The following PLXNC1 variants were observed in gnomAD, a reference collection of about 807,000 sequenced individuals.
The protein encoded by PLXNC1 is plexin C1.
In PLXNC1, 75 loss-of-function variants were observed where a neutral mutation model predicts 178.2. The observed-to-expected ratio is 0.42, with a 90% CI of 0.35 to 0.51. The LOEUF (loss-of-function observed/expected upper bound fraction) is 0.51. Ranked by LOEUF, PLXNC1 falls within the 20% of genes least tolerant of loss-of-function variation. PLXNC1 has a pLI of 0.02. For missense variants in PLXNC1, 1,503 were observed against 1,984.4 expected (o/e 0.76, Z 4.61); for synonymous variants, 790 against 779.9 (o/e 1.01, Z -0.22).
At chr12:94,303,729 TTGC>T (rs1434065057) in intron 28 of PLXNC1, 24 bp from the exon 29 acceptor site, 1 of 1,344,774 alleles carries the variant, frequency 7.4e-7, no homozygotes, top group Non-Finnish European at 9.9e-7. Flanking sequence ...TTGGTGATGG[TTGC>T]TTTTTTTTTT....
At chr12:94,221,835 T>C (rs1474105719) in intron 6 of PLXNC1, among the ~76,000 whole-genome samples, 1 of 152,118 alleles carries the variant, frequency 6.6e-6, no homozygotes, top group African/African-American at 2.4e-5. Context: ...AGGACACTAA[T>C]CACATTCATG....
intron 1 of PLXNC1, among the ~76,000 whole-genome samples, chr12:94,162,385 G>C (rs1163961989): frequency 6.6e-6 from 1 of 152,166 alleles, no homozygotes. Flanking sequence ...GGAGAAGAAT[G>C]GCAAGGAATG....
At chr12:94,227,725 G>A (rs1015032021) in intron 9 of PLXNC1, among the ~76,000 whole-genome samples, 1 of 152,052 alleles carries the variant, frequency 6.6e-6, no homozygotes, top group Admixed American at 6.6e-5. Context: ...TATTTCTCTC[G>A]CCTTCTCACA....
At chr12:94,251,157 C>A (rs1205386148) in intron 14 of PLXNC1, among the ~76,000 whole-genome samples, 2 of 152,166 alleles carry the variant, frequency 1.3e-5, no homozygotes, top group Admixed American at 6.5e-5. Flanking sequence ...CAACTTAAAA[C>A]CCCCAGAGCA....
chr12:94,297,170 C>A lies in PLXNC1; in HGVS notation c.3935-19C>A. ...TTTTTTAATGGACTGCTTTCTCTCC[C>A]TCTTTCTCTGGCATTCAGATGTGGA... On this transcript the variant is annotated intron_variant, in intron 24 of 30. Coordinates refer to ENST00000258526, the MANE Select transcript of PLXNC1 (RefSeq NM_005761.3). The A allele has an allele frequency of 6.2e-7, 1 of 1,613,286 alleles. No individual in the cohort carries two copies. The highest frequency in any genetic ancestry group is 8.5e-7 in the Non-Finnish European group (1 of 1,179,658).
intron 5 of PLXNC1, among the ~76,000 whole-genome samples, chr12:94,218,480 G>A (rs975934301): frequency 6.6e-6 from 1 of 152,044 alleles, no homozygotes; most frequent in African/African-American, 2.4e-5. Context: ...GGGGTGATAA[G>A]GTTACCACTT....
intron 20 of PLXNC1, among the ~76,000 whole-genome samples, chr12:94,263,532 C>A (rs998910637): frequency 6.7e-6 from 1 of 148,890 alleles, no homozygotes; most frequent in African/African-American, 2.6e-5. Flanking sequence ...GAGTACACAG[C>A]CCCTATCCAA....
At chr12:94,179,426 GTTAGGTACAAAGGTGA>G (rs1462884196) in intron 2 of PLXNC1, among the ~76,000 whole-genome samples, 2 of 152,116 alleles carry the variant, frequency 1.3e-5, no homozygotes, top group Non-Finnish European at 2.9e-5. Context: ...AAGATTAAAG[GTTAGGTACAAAGGTGA>G]TTAAGACATG....
chr12:94,162,684 C>T (rs958990540), intron 1 of PLXNC1, among the ~76,000 whole-genome samples: 4 of 151,924 alleles, frequency 2.6e-5, no homozygotes, highest in East Asian at 1.9e-4. Context: ...TTGGGAAATT[C>T]GACTGAGATT....
intron 14 of PLXNC1, among the ~76,000 whole-genome samples, chr12:94,249,928 T>G (rs1592810372): frequency 2.4e-5 from 2 of 81,678 alleles, no homozygotes; most frequent in Non-Finnish European, 4.7e-5. Flanking sequence ...AAAGCACCAG[T>G]GTGGGGGGGT....
intron 4 of PLXNC1, among the ~76,000 whole-genome samples, chr12:94,187,603 C>T (rs1462761848): frequency 6.6e-6 from 1 of 152,182 alleles, no homozygotes; most frequent in Non-Finnish European, 1.5e-5. Context: ...TCACTGATCA[C>T]GAACGGGATT....
chr12:94,209,872 TC>T (rs1963414313), intron 5 of PLXNC1, among the ~76,000 whole-genome samples, 168 bp downstream of exon 5: 1 of 152,170 alleles, frequency 6.6e-6, no homozygotes, highest in Non-Finnish European at 1.5e-5. Flanking sequence ...CCAGATGCCA[TC>T]CACTCTGCAA....
At chr12:94,213,901 C>G (rs1963566499) in intron 5 of PLXNC1, among the ~76,000 whole-genome samples, 2 of 146,716 alleles carry the variant, frequency 1.4e-5, no homozygotes, top group South Asian at 4.2e-4. Context: ...GAGTCTTGCT[C>G]TGTCACCCAG....
At chr12:94,288,621 C>A (rs911082500) in intron 23 of PLXNC1, among the ~76,000 whole-genome samples, 1 of 152,216 alleles carries the variant, frequency 6.6e-6, no homozygotes, top group African/African-American at 2.4e-5. Flanking sequence ...GATGTTCTGA[C>A]GGCCCCTTCC....
rs553822287 is a variant in PLXNC1 at position 94,275,579 on chromosome 12, C to A, written c.3598-3893C>A. 3.2e-3 allele frequency among the ~76,000 whole-genome samples: 279 copies of A among 86,294 alleles called. 62 individuals are homozygous for A. The highest frequency in any genetic ancestry group is 0.014 in the African/African-American group (276 of 20,122). 56.6% of individuals were successfully genotyped at this position (86,294 alleles called of 152,430 possible). On this transcript the variant is annotated intron_variant, in intron 21 of 30. Transcript: ENST00000258526. Reference sequence around the variant, plus strand: ...CTTAAGAAACTGCTGTTTGGCCGGGCGCGGTGGCTCACGCCTGTAATCCCA... The same window carrying A: ...CTTAAGAAACTGCTGTTTGGCCGGGAGCGGTGGCTCACGCCTGTAATCCCA...
chr12:94,155,637 A>G (rs866541524), intron 1 of PLXNC1, among the ~76,000 whole-genome samples: 27 of 152,226 alleles, frequency 1.8e-4, no homozygotes, highest in South Asian at 1.0e-3. Context: ...AAGACTTGCC[A>G]TTTTTGGGCT....
chr12:94,221,753 C>T (rs986739740), intron 6 of PLXNC1, among the ~76,000 whole-genome samples: 1 of 152,164 alleles, frequency 6.6e-6, no homozygotes, highest in Admixed American at 6.5e-5. Context: ...CCTCTGACTT[C>T]GCAGATGGTG....
At chr12:94,162,004 G>A (rs1961400736) in intron 1 of PLXNC1, among the ~76,000 whole-genome samples, 1 of 152,174 alleles carries the variant, frequency 6.6e-6, no homozygotes, top group African/African-American at 2.4e-5. Flanking sequence ...ATGCTGAGGT[G>A]GATGCTGCAT....
rs141625958 is a variant in PLXNC1, at chr12:94,295,793, T to C, written c.3934+1253T>C. Reference sequence around the variant, plus strand: ...GGGCCCTCCACACAGCCTGCTCTCATTGGGTTCCTCTGGGCAATTCAACTC... The same window carrying C: ...GGGCCCTCCACACAGCCTGCTCTCACTGGGTTCCTCTGGGCAATTCAACTC... On this transcript the variant is annotated intron_variant, in intron 24 of 30. Coordinates refer to ENST00000258526, the MANE Select transcript of PLXNC1 (RefSeq NM_005761.3). Among the ~76,000 whole-genome samples, 13 of 152,298 alleles carry C rather than the reference T, an allele frequency of 8.5e-5. No homozygotes were observed. In the East Asian group the frequency reaches 2.5e-3, roughly 29 times the overall value.
Sources: gnomAD v4.1 joint callset for allele counts (sites outside exome capture counted in the v4.1 genomes callset) on GRCh38, gnomAD v4.1.1 for gene constraint, MANE v1.5 for transcripts, NCBI Gene and HGNC (gene_info 2026-07-23, HGNC 2026-07-21) for gene names.